Variants in PPP6R1 observed in about 807,000 individuals in gnomAD.
The protein encoded by PPP6R1 is protein phosphatase 6 regulatory subunit 1, also known as serine/threonine-protein phosphatase 6 regulatory subunit 1.
Under a neutral mutation model 104.6 loss-of-function variants are expected in PPP6R1, and 39 were observed. That is an observed-to-expected ratio of 0.37 (90% CI 0.29 to 0.49). PPP6R1 has a LOEUF of 0.49. Among genes scored for constraint, PPP6R1 ranks in the 20% least tolerant of loss-of-function variants. The pLI, the probability that PPP6R1 is intolerant of heterozygous loss-of-function variation, is 0.98. For missense variants in PPP6R1, 1,181 were observed against 1,155.8 expected, an observed-to-expected ratio of 1.02 and a Z score of -0.32; for synonymous variants, 549 against 479.0, an observed-to-expected ratio of 1.15 and a Z score of -1.91.
At chr19:55,235,143 G>C (rs4806651) in intron 17 of PPP6R1, among the ~76,000 whole-genome samples, 1 of 151,906 alleles carries the variant, frequency 6.6e-6, no homozygotes, top group African/African-American at 2.4e-5. Context: ...TTAGTGTTCA[G>C]GCTGTCAAAT....
intron 5 of PPP6R1, among the ~76,000 whole-genome samples, chr19:55,244,418 G>A (rs1408741863): frequency 6.6e-6 from 1 of 152,238 alleles, no homozygotes; most frequent in African/African-American, 2.4e-5. Context: ...GGATGTGAGG[G>A]CGCTTGAAAG....
In PPP6R1 at chr19:55,232,199, G is replaced by A. The variant is rs1489387889; in HGVS notation, c.2001C>T (p.Ser667=). ...GQPPGVRSGG[S]TDSEDEEEED... ...CCTCTTCTTCGTCCTCACTGTCTGTGCTGCCTCCACTCCTGCCCCAGAAAC... is the reference window on the plus strand; with the variant it reads ...CCTCTTCTTCGTCCTCACTGTCTGTACTGCCTCCACTCCTGCCCCAGAAAC... The change falls in exon 18 of 24, where the codon AGC becomes AGT. Residue 667 remains serine, a synonymous_variant. Coordinates refer to ENST00000412770, the MANE Select transcript of PPP6R1 (RefSeq NM_014931.4). The A allele has an allele frequency of 1.9e-6, 3 of 1,551,062 alleles. No individual in the cohort carries two copies. The highest frequency in any genetic ancestry group is 2.4e-5 in the East Asian group (1 of 41,368).
In PPP6R1 at chr19:55,241,112, G is replaced by A; in HGVS notation, c.1162-33C>T. 4.5e-6 allele frequency: 7 copies of A among 1,542,542 alleles called. No homozygotes were observed. Among genetic ancestry groups the A allele is most frequent in the African/African-American group, 1.4e-5 (1 of 72,812 alleles). On this transcript the variant is annotated intron_variant, in intron 9 of 23. Coordinates refer to ENST00000412770, the MANE Select transcript of PPP6R1 (RefSeq NM_014931.4). This position sits in a 1 kb window ranked among gnomAD's most constrained non-coding sequence, Gnocchi z 5.4. ...AGGACACAGGATTGGTACCAGAGAG[G>A]CCCCGCCCCAGCCGAGCCCCCAACC...
chr19:55,243,404 C>CAAAAAAAAAAAAAAAAAAAAAAAA (rs58375899), intron 5 of PPP6R1, among the ~76,000 whole-genome samples: 2 of 49,140 alleles, frequency 4.1e-5, no homozygotes, highest in African/African-American at 1.4e-4. Flanking sequence ...GACTCCATCT[C>CAAAAAAAAAAAAAAAAAAAAAAAA]AAAAAAAAAA....
chr19:55,243,845 G>A (rs1371700861), intron 5 of PPP6R1, among the ~76,000 whole-genome samples: 1 of 152,060 alleles, frequency 6.6e-6, no homozygotes, highest in Non-Finnish European at 1.5e-5. Flanking sequence ...TAGCGACAAC[G>A]TCTTGCTATG....
At chr19:55,242,572 T>G in intron 5 of PPP6R1, 84 bp from the exon 6 acceptor site, 1 of 1,203,314 alleles carries the variant, frequency 8.3e-7, no homozygotes, top group South Asian at 1.2e-5. Context: ...TCCCATGAGC[T>G]GACCATCCAG....
At chr19:55,239,297 G>T in intron 15 of PPP6R1, 108 bp downstream of exon 15, 2 of 1,147,804 alleles carry the variant, frequency 1.7e-6, no homozygotes, top group Non-Finnish European at 2.5e-6. Flanking sequence ...CACAGCTGCA[G>T]GCTGAGCCCA....
intron 1 of PPP6R1, among the ~76,000 whole-genome samples, chr19:55,254,574 C>T (rs1374662638): frequency 1.3e-5 from 2 of 152,178 alleles, no homozygotes; most frequent in Non-Finnish European, 2.9e-5. Context: ...TCATCTGTCA[C>T]CCCTTCCCAA....
chr19:55,256,431 T>A (rs1048280163), intron 1 of PPP6R1, among the ~76,000 whole-genome samples: 1 of 152,154 alleles, frequency 6.6e-6, no homozygotes, highest in African/African-American at 2.4e-5. Context: ...ACCAAAAACA[T>A]CTCCAGATAT....
intron 1 of PPP6R1, among the ~76,000 whole-genome samples, chr19:55,248,710 G>T (rs889874406): frequency 6.6e-6 from 1 of 152,200 alleles, no homozygotes; most frequent in African/African-American, 2.4e-5. Flanking sequence ...TCAGCCCCAG[G>T]CCCCAGGGAA....
At chr19:55,228,609 A>G, downstream of PPP6R1, 1 of 1,542,076 alleles carries the variant, frequency 6.5e-7, no homozygotes, top group Non-Finnish European at 8.8e-7. Flanking sequence ...CAACTCAAGG[A>G]CAGCAGCTCC....
At chr19:55,252,576 T>G (rs1200902875) in intron 1 of PPP6R1, among the ~76,000 whole-genome samples, 1 of 152,038 alleles carries the variant, frequency 6.6e-6, no homozygotes, top group Non-Finnish European at 1.5e-5. Context: ...TTGTGTGTGT[T>G]TTTTTAGTAA....
Position 55,241,788 on chromosome 19 carries a change from A to C in PPP6R1, c.846-149T>G. 9.5e-7 allele frequency: 1 copy of C among 1,057,624 alleles called. No individual in the cohort carries two copies. The highest frequency in any genetic ancestry group is 1.3e-6 in the Non-Finnish European group (1 of 751,788). 65.5% of individuals were successfully genotyped at this position (1,057,624 alleles called of 1,614,324 possible). On this transcript the variant is annotated intron_variant, in intron 7 of 23. Transcript: ENST00000412770. The surrounding 1 kb of genome is among the most constrained non-coding windows in gnomAD (Gnocchi z 5.4). ...CGCTCTCTTCTGAGGCCCTTCAGACAACACCTGGCTGGGGTGGGGAGCCCG... is the reference window on the plus strand; with the variant it reads ...CGCTCTCTTCTGAGGCCCTTCAGACCACACCTGGCTGGGGTGGGGAGCCCG...
chr19:55,239,900 C>T lies in PPP6R1; in HGVS notation c.1489G>A (p.Glu497Lys), dbSNP rs1272828292. ...AAGGCTTCCCACTGCTCCTGCTGCT[C>T]GCTGGGCAGCTCTGCTTAGGTGAGA... The part of the protein sequence containing the change: ...LRQLLKELPS[E>K]QQEQWEAFVS... Residue 497 changes from glutamate (E) to lysine (K), a missense_variant, in exon 13 of 24, where the codon GAG becomes AAG. This residue lies in a region of PPP6R1 where 1,042 missense variants were observed against 955.6 expected (regional missense o/e 1.09). Transcript: ENST00000412770. 12 of 1,613,740 alleles carry T rather than the reference C, an allele frequency of 7.4e-6. No individual in the cohort carries two copies. The highest frequency in any genetic ancestry group is 4.5e-5 in the East Asian group (2 of 44,890).
rs1308350102 is a variant in PPP6R1, at chr19:55,230,404, G to A, written c.*124C>T. 7.0e-7 allele frequency: 1 copy of A among 1,426,360 alleles called. No homozygotes were observed. Among genetic ancestry groups the A allele is most frequent in the Non-Finnish European group, 9.6e-7 (1 of 1,038,158 alleles). 88.4% of individuals were successfully genotyped at this position (1,426,360 alleles called of 1,614,324 possible). A position where few individuals can be genotyped will look rare whatever the true frequency, so the allele number is the denominator to read the frequency against. ...GGCACCAGCCTCCTGGGGGTCCAGA[G>A]GAGAGAATGTGGGGGTGTCAGGGTG... is the stretch of plus-strand genomic sequence containing the variant. On this transcript the variant is annotated 3_prime_UTR_variant, in exon 24 of 24. Transcript: ENST00000412770.
rs1230262731 is a variant in PPP6R1 at position 55,242,498 on chromosome 19, G to C, written c.619-10C>G. 2 of 1,608,248 alleles carry C rather than the reference G, an allele frequency of 1.2e-6. No individual in the cohort carries two copies. The highest frequency in any genetic ancestry group is 2.2e-5 in the South Asian group (2 of 90,934). On this transcript the variant is annotated splice_polypyrimidine_tract_variant and intron_variant, in intron 5 of 23. Coordinates refer to ENST00000412770, the MANE Select transcript of PPP6R1 (RefSeq NM_014931.4). ...ATGCGTTGGAATGTTGCTGGAACGGGGAGAGACAGGTGAGGATCCTGGTCG... is the reference window on the plus strand; with the variant it reads ...ATGCGTTGGAATGTTGCTGGAACGGCGAGAGACAGGTGAGGATCCTGGTCG...
chr19:55,239,047 C>T (rs911448872), intron 15 of PPP6R1: 10 of 286,414 alleles, frequency 3.5e-5, no homozygotes, highest in African/African-American at 1.5e-4. Flanking sequence ...ACAGTCCCTG[C>T]GCCAGGACTG....
At chr19:55,244,832 C>A (rs993173337) in intron 5 of PPP6R1, among the ~76,000 whole-genome samples, 1 of 151,910 alleles carries the variant, frequency 6.6e-6, no homozygotes, top group African/African-American at 2.4e-5. Context: ...ATAGCCTTGA[C>A]CTCCCGGCTC....
chr19:55,247,310 A>G (rs1600114304), intron 1 of PPP6R1: 1 of 594,300 alleles, frequency 1.7e-6, no homozygotes, highest in Non-Finnish European at 3.0e-6. Flanking sequence ...TAAGGCTCCC[A>G]GTGAGCACCA....
Sources: gnomAD v4.1 joint callset for allele counts (sites outside exome capture counted in the v4.1 genomes callset) on GRCh38, gnomAD v4.1.1 for gene constraint, gnomAD v4.1.1 regional missense constraint, Gnocchi (gnomAD v3.1) non-coding constraint, MANE v1.5 for transcripts, NCBI Gene and HGNC (gene_info 2026-07-23, HGNC 2026-07-21) for gene names.